MORC4: variants seen among roughly 807,000 people sequenced by gnomAD.
The protein encoded by MORC4 is MORC family CW-type zinc finger protein 4.
In MORC4, 22 loss-of-function variants were observed where a neutral mutation model predicts 65.5. The observed-to-expected ratio is 0.34, with a 90% CI of 0.24 to 0.48. The LOEUF is 0.48. Ranked by LOEUF, MORC4 falls within the 20% of genes least tolerant of loss-of-function variation. The probability of loss-of-function intolerance (pLI) is 0.99; values close to 1 mark genes in which losing one functional copy is unlikely to be tolerated. For synonymous variants in MORC4, 267 were observed against 255.8 expected, an observed-to-expected ratio of 1.04 and a Z score of -0.42; for missense variants, 624 against 703.0, an observed-to-expected ratio of 0.89 and a Z score of 1.27.
At chrX:106,951,217 T>C (rs1933960078) in intron 14 of MORC4, among the ~76,000 whole-genome samples, 1 of 111,886 alleles carries the variant, frequency 8.9e-6, no homozygotes, top group Non-Finnish European at 1.9e-5. Flanking sequence ...AGAATGTCTC[T>C]ACTTCTCTCC....
intron 13 of MORC4, 25 bp from the exon 14 acceptor site, chrX:106,955,113 A>G: frequency 1.8e-6 from 2 of 1,116,733 alleles, no homozygotes; most frequent in Non-Finnish European, 2.4e-6. Context: ...AATGATTTGT[A>G]AAAGTCTCAA....
Position 106,986,084 on chromosome X carries a change from T to C in MORC4, c.425A>G (p.Asn142Ser), listed in dbSNP as rs1293094322. ...LGKDALVFTK[N>S]GGTLTVGLLS... ...AAGTCCAACAGTGAGAGTACCCCCA[T>C]TCTTGGTGAAGACAAGGGCGTCCTT... The change falls in exon 4 of 17, where the codon AAT becomes AGT. Residue 142 changes from asparagine to serine, a missense_variant. By Grantham distance (46) the Asn-to-Ser change is conservative (BLOSUM62 1). Transcript: ENST00000355610. 1.7e-6 allele frequency: 2 copies of C among 1,210,674 alleles called. No homozygotes were observed. Among genetic ancestry groups the C allele is most frequent in the Non-Finnish European group, 2.2e-6 (2 of 894,431 alleles).
chrX:106,942,335 T>C (rs892062967), intron 15 of MORC4, 114 bp from the exon 16 acceptor site: 1 of 952,282 alleles, frequency 1.1e-6, no homozygotes, highest in African/African-American at 2.0e-5. Flanking sequence ...TATGGGCCTT[T>C]TCAATACCCT....
rs1423013574 is a variant in MORC4, at chrX:106,999,757, CGA to C, written c.103-10_103-9del. 1.8e-6 allele frequency: 2 copies of C among 1,099,604 alleles called. No individual in the cohort carries two copies. Among genetic ancestry groups the C allele is most frequent in the Non-Finnish European group, 2.4e-6 (2 of 841,262 alleles). The allele number at this position is 1,099,604 out of a possible 1,213,427, so 90.6% of individuals were successfully genotyped here. ...GAGGTAGCGGGGGCTCATCTGGGGG[CGA>C]GAGAAGGTCCCGACCCGCGTGAGGC... On this transcript the variant is annotated splice_polypyrimidine_tract_variant and intron_variant, in intron 1 of 16. Coordinates refer to ENST00000355610, the MANE Select transcript of MORC4 (RefSeq NM_024657.5).
At position 106,959,334 on chromosome X, in the gene MORC4, G is replaced by A. The variant is rs557761609; in HGVS notation, c.1257-870C>T. Among the ~76,000 whole-genome samples the A allele has an allele frequency of 3.1e-4, 34 of 111,202 alleles. No individual in the cohort carries two copies. The South Asian group carries it at 0.013, about 41-fold the overall frequency. The stretch of plus-strand genomic sequence containing the variant: ...ACAGGCTACAGTGAGAATGAAGGCG[G>A]CTGGAGAAAAGACACACAAAGCAAG... On this transcript the variant is annotated intron_variant, in intron 10 of 16. Coordinates refer to ENST00000355610, the MANE Select transcript of MORC4 (RefSeq NM_024657.5).
chrX:106,985,041 T>C, intron 5 of MORC4, 55 bp downstream of exon 5: 1 of 956,243 alleles, frequency 1.0e-6, no homozygotes, highest in Non-Finnish European at 1.4e-6. Context: ...AATAAAAATG[T>C]GTTTCATCAT....
rs1373426268 is a variant in MORC4, at chrX:106,966,846, G to GA, written c.1158-4737_1158-4736insT. Among the ~76,000 whole-genome samples, 3 of 112,796 alleles carry GA rather than the reference G, an allele frequency of 2.7e-5. No homozygotes were observed. In the Admixed American group the frequency reaches 2.8e-4, roughly 10 times the overall value. On this transcript the variant is annotated intron_variant, in intron 9 of 16. Transcript: ENST00000355610. The stretch of plus-strand genomic sequence containing the variant: ...TCACCACAGCTCAGCAAGGCCTACT[G>GA]CCTCTCTAGATTCCACCTCTGGGGG...
intron 14 of MORC4, among the ~76,000 whole-genome samples, chrX:106,949,167 T>C (rs1407818112): frequency 8.9e-6 from 1 of 111,852 alleles, no homozygotes; most frequent in Non-Finnish European, 1.9e-5. Flanking sequence ...TTCTTCCAAC[T>C]CTAATGTGCT....
chrX:106,953,685 G>A (rs182072506), intron 14 of MORC4, among the ~76,000 whole-genome samples: 2 of 110,473 alleles, frequency 1.8e-5, no homozygotes, highest in South Asian at 3.9e-4. Flanking sequence ...ATGAGATTTC[G>A]CTGTGTTGTC....
chrX:106,941,390 G>GAGAGAC lies in MORC4; in HGVS notation c.*88_*89insGTCTCT. On this transcript the variant is annotated 3_prime_UTR_variant, in exon 17 of 17. Transcript: ENST00000355610. ...TGAGGGTGAGAGAGAGAGAGAGAGA[G>GAGAGAC]AGAGAGAGAGAGAGAGAGAGACGTG... 1 of 700,465 alleles carries GAGAGAC rather than the reference G, an allele frequency of 1.4e-6. No homozygotes were observed. Among genetic ancestry groups the GAGAGAC allele is most frequent in the African/African-American group, 2.2e-5 (1 of 44,940 alleles). 57.7% of individuals were successfully genotyped at this position (700,465 alleles called of 1,213,427 possible). A position where few individuals can be genotyped will look rare whatever the true frequency, so the allele number is the denominator to read the frequency against.
chrX:106,976,016 A>G (rs1473706403), intron 9 of MORC4, among the ~76,000 whole-genome samples: 1 of 111,596 alleles, frequency 9.0e-6, no homozygotes, highest in Non-Finnish European at 1.9e-5. Context: ...CCCTCTCGAC[A>G]TTTTTTAAAC....
intron 2 of MORC4, among the ~76,000 whole-genome samples, chrX:106,998,892 T>C (rs1011631881): frequency 1.8e-5 from 2 of 112,210 alleles, no homozygotes; most frequent in African/African-American, 3.2e-5. Context: ...AAGAGTTTGT[T>C]CTGTGCAACC....
chrX:106,975,444 T>C (rs1300812407), intron 9 of MORC4, among the ~76,000 whole-genome samples: 4 of 111,214 alleles, frequency 3.6e-5, no homozygotes, highest in Non-Finnish European at 7.6e-5. Flanking sequence ...ATGAACCAAT[T>C]ACCCTGAAAT....
At chrX:106,974,647 T>G (rs183962142) in intron 9 of MORC4, among the ~76,000 whole-genome samples, 127 of 111,872 alleles carry the variant, frequency 1.1e-3, no homozygotes, top group African/African-American at 4.0e-3. Flanking sequence ...TACAAATGAC[T>G]GTAAGCTCCA....
chrX:106,991,813 G>A (rs1346741416), intron 3 of MORC4, among the ~76,000 whole-genome samples: 2 of 111,243 alleles, frequency 1.8e-5, no homozygotes, highest in East Asian at 5.6e-4. Context: ...GCTGAGGTAC[G>A]AGAATCATTT....
chrX:106,946,080 T>G (rs1933819517), intron 14 of MORC4, among the ~76,000 whole-genome samples: 1 of 112,135 alleles, frequency 8.9e-6, no homozygotes, highest in Non-Finnish European at 1.9e-5. Context: ...ATATACTCCT[T>G]CCAGATGATG....
At chrX:106,955,798 T>G (rs1270919022) in intron 13 of MORC4, among the ~76,000 whole-genome samples, 1 of 111,259 alleles carries the variant, frequency 9.0e-6, no homozygotes, top group African/African-American at 3.3e-5. Context: ...CTACCCTGAT[T>G]GAGTGAGTGG....
At chrX:106,986,574 G>A (rs1313891698) in intron 3 of MORC4, among the ~76,000 whole-genome samples, 1 of 111,347 alleles carries the variant, frequency 9.0e-6, no homozygotes, top group Admixed American at 9.5e-5. Flanking sequence ...GTAAAGTTAG[G>A]GTAAGGTGAA....
At chrX:106,996,694 G>A (rs1165051135) in intron 2 of MORC4, among the ~76,000 whole-genome samples, 2 of 111,889 alleles carry the variant, frequency 1.8e-5, no homozygotes, top group Non-Finnish European at 3.8e-5. Flanking sequence ...GGTGAGAAGT[G>A]TGCTATCAGA....
Sources: allele counts gnomAD v4.1 joint callset (sites outside exome capture counted in the v4.1 genomes callset), GRCh38; gene constraint gnomAD v4.1.1; transcripts MANE v1.5; gene names NCBI Gene and HGNC (gene_info 2026-07-23, HGNC 2026-07-21).